Variants in ELMO1 observed in about 807,000 individuals in gnomAD.
The protein encoded by ELMO1 is engulfment and cell motility protein 1.
ELMO1 carries 26 observed loss-of-function variants against 98.9 expected under a neutral mutation model. That is an observed-to-expected ratio of 0.26 (90% confidence interval 0.19 to 0.36). The LOEUF is 0.36. Among genes scored for constraint, ELMO1 ranks in the 10% least tolerant of loss-of-function variants. The probability of loss-of-function intolerance (pLI) is 1.00; values close to 1 mark genes in which losing one functional copy is unlikely to be tolerated. For missense variants in ELMO1, 627 were observed against 935.2 expected, an observed-to-expected ratio of 0.67 and a Z score of 4.30; for synonymous variants, 346 against 346.0, an observed-to-expected ratio of 1.00 and a Z score of 0.00.
At chr7:36,963,391 A>T (rs1584443866) in intron 16 of ELMO1, among the ~76,000 whole-genome samples, 1 of 139,248 alleles carries the variant, frequency 7.2e-6, no homozygotes, top group Admixed American at 6.9e-5. Flanking sequence ...AAATAAATAA[A>T]TAAATAAATA....
intron 16 of ELMO1, among the ~76,000 whole-genome samples, chr7:36,942,009 T>C (rs142965731): frequency 6.6e-6 from 1 of 152,352 alleles, no homozygotes; most frequent in African/African-American, 2.4e-5. Flanking sequence ...AGCATCACCT[T>C]AGCTTCGTGC....
chr7:37,145,226 T>G (rs1408973516), intron 13 of ELMO1, among the ~76,000 whole-genome samples: 1 of 152,204 alleles, frequency 6.6e-6, no homozygotes, highest in Non-Finnish European at 1.5e-5. Context: ...TGAGACCCAC[T>G]GGTAGAGAGG....
intron 13 of ELMO1, among the ~76,000 whole-genome samples, chr7:37,207,286 C>T (rs1394513404): frequency 2.6e-5 from 4 of 152,236 alleles, no homozygotes; most frequent in Admixed American, 6.5e-5. Flanking sequence ...CACGGTGGCT[C>T]ACGCCTGTAA....
intron 16 of ELMO1, among the ~76,000 whole-genome samples, chr7:36,991,638 T>C (rs1482865322): frequency 6.6e-6 from 1 of 152,204 alleles, no homozygotes; most frequent in Non-Finnish European, 1.5e-5. Context: ...TTCCCATACG[T>C]AGGCACCTGC....
At chr7:37,404,147 T>TC (rs879619513) in intron 1 of ELMO1, among the ~76,000 whole-genome samples, 33 of 152,132 alleles carry the variant, frequency 2.2e-4, no homozygotes, top group Non-Finnish European at 3.1e-4. Flanking sequence ...AATCATTTTT[T>TC]CTCTCTAATC....
chr7:37,076,303 G>T (rs898784899), intron 15 of ELMO1, among the ~76,000 whole-genome samples: 1 of 151,904 alleles, frequency 6.6e-6, no homozygotes, highest in African/African-American at 2.4e-5. Flanking sequence ...CTCAAAGCTA[G>T]AAATCAAAGG....
At chr7:37,151,250 T>C (rs1788337493) in intron 13 of ELMO1, among the ~76,000 whole-genome samples, 3 of 152,240 alleles carry the variant, frequency 2.0e-5, no homozygotes, top group African/African-American at 7.2e-5. Context: ...TGCCAGGGAA[T>C]AGCCCTCTGG....
intron 9 of ELMO1, among the ~76,000 whole-genome samples, chr7:37,223,119 C>A (rs1378091377): frequency 2.0e-5 from 3 of 152,102 alleles, no homozygotes; most frequent in African/African-American, 7.2e-5. Flanking sequence ...CATTCTTGGG[C>A]TAATTGGATG....
intron 13 of ELMO1, among the ~76,000 whole-genome samples, chr7:37,198,072 C>T (rs1182218177): frequency 6.6e-6 from 1 of 152,188 alleles, no homozygotes; most frequent in Non-Finnish European, 1.5e-5. Context: ...TAAGGACATC[C>T]TCGGCCATGT....
chr7:37,299,221 T>G, intron 4 of ELMO1, among the ~76,000 whole-genome samples: 1 of 30,646 alleles, frequency 3.3e-5, no homozygotes, highest in Non-Finnish European at 1.0e-4. Context: ...GTCAGATGAG[T>G]AGGTTGTGAA....
intron 13 of ELMO1, among the ~76,000 whole-genome samples, chr7:37,169,643 T>G (rs949021805): frequency 6.6e-6 from 1 of 152,256 alleles, no homozygotes; most frequent in Non-Finnish European, 1.5e-5. Flanking sequence ...TTCAAGCTTT[T>G]GCTTTTTCTT....
intron 16 of ELMO1, among the ~76,000 whole-genome samples, chr7:36,905,570 A>G (rs565631342): frequency 1.5e-4 from 23 of 152,366 alleles, no homozygotes; most frequent in Admixed American, 5.9e-4. Flanking sequence ...AATGATATCC[A>G]CAGGCATCCC....
Position 36,917,468 on chromosome 7 carries a change from G to A in ELMO1, c.1438-22451C>T, listed in dbSNP as rs368377907. ...TAGAATATTAGAAAAATAGAGAATT[G>A]GATAAAGGATATAAAAATGCAATTT... On this transcript the variant is annotated intron_variant, in intron 16 of 21. Transcript: ENST00000310758. 2.6e-5 allele frequency among the ~76,000 whole-genome samples: 4 copies of A among 151,974 alleles called. No individual in the cohort carries two copies. In the East Asian group the frequency reaches 7.7e-4, roughly 29 times the overall value.
rs1274464110 is a variant in ELMO1, at chr7:37,072,130, CAAAG to C, written c.1300+24485_1300+24488del. Among the ~76,000 whole-genome samples the C allele has an allele frequency of 7.2e-5, 11 of 152,266 alleles. No individual in the cohort carries two copies. The East Asian group carries it at 2.1e-3, about 29-fold the overall frequency. On this transcript the variant is annotated intron_variant, in intron 15 of 21. Transcript: ENST00000310758. ...TATAGGCTTTCGGCAATTCAAAAAACAAAGAGTGTTAAAGTACATGAAGCACCAA... is the reference window on the plus strand; with the variant it reads ...TATAGGCTTTCGGCAATTCAAAAAACAGTGTTAAAGTACATGAAGCACCAA...
chr7:36,881,967 C>A (rs545629654), intron 18 of ELMO1, among the ~76,000 whole-genome samples: 1 of 152,272 alleles, frequency 6.6e-6, no homozygotes, highest in Admixed American at 6.5e-5. Context: ...CATCCAGGCC[C>A]AAGACAAGCT....
At chr7:37,103,685 A>G (rs1784770787) in intron 14 of ELMO1, among the ~76,000 whole-genome samples, 1 of 152,066 alleles carries the variant, frequency 6.6e-6, no homozygotes, top group Admixed American at 6.6e-5. Flanking sequence ...AATAAAAAAT[A>G]TTAAATAAAA....
intron 8 of ELMO1, among the ~76,000 whole-genome samples, chr7:37,226,595 A>G (rs1053057507): frequency 5.9e-5 from 9 of 152,182 alleles, no homozygotes; most frequent in Non-Finnish European, 7.3e-5. Flanking sequence ...AGGAAACTGA[A>G]GAACTCATAA....
chr7:37,256,553 A>C (rs1562559090), intron 6 of ELMO1, among the ~76,000 whole-genome samples: 3 of 40,640 alleles, frequency 7.4e-5, no homozygotes, highest in Non-Finnish European at 1.1e-4. Flanking sequence ...GAAGGAAGAA[A>C]GGAAGGAAGG....
intron 15 of ELMO1, among the ~76,000 whole-genome samples, chr7:37,033,017 G>A (rs539859197): frequency 1.3e-5 from 2 of 152,206 alleles, no homozygotes; most frequent in East Asian, 3.9e-4. Context: ...TAGCCAAAAC[G>A]CCGAGAAGCG....
Sources: allele counts gnomAD v4.1 joint callset (sites outside exome capture counted in the v4.1 genomes callset), GRCh38; gene constraint gnomAD v4.1.1; transcripts MANE v1.5; gene names NCBI Gene and HGNC (gene_info 2026-07-23, HGNC 2026-07-21).